RBM42: variants seen among roughly 807,000 people sequenced by gnomAD.
RBM42 encodes the protein RNA-binding protein 42.
Under a neutral mutation model 41.4 loss-of-function variants are expected in RBM42, and 21 were observed. That is an observed-to-expected ratio of 0.51 (90% CI 0.36 to 0.73). RBM42 has a LOEUF of 0.73. RBM42 is among the 30% of genes least tolerant of loss of function. The probability of loss-of-function intolerance (pLI) is 0.00; values close to 1 mark genes in which losing one functional copy is unlikely to be tolerated. For synonymous variants in RBM42, 272 were observed against 271.2 expected (o/e 1.00, Z -0.03); for missense variants, 539 against 680.4 (o/e 0.79, Z 2.31).
At position 35,637,598 on chromosome 19, in the gene RBM42, T is replaced by C. The variant is rs1002819234; in HGVS notation, c.*44T>C. The C allele has an allele frequency of 1.7e-5, 26 of 1,487,302 alleles. No individual in the cohort carries two copies. The Admixed American group carries it at 4.7e-4, about 27-fold the overall frequency. The allele number at this position is 1,487,302 out of a possible 1,614,324, so 92.1% of individuals were successfully genotyped here. A position where few individuals can be genotyped will look rare whatever the true frequency, so the allele number is the denominator to read the frequency against. ...CGCTCCCACCTGGCCGGGCGCTGGC[T>C]CCTCCCTCAGTTCTCTTTGGAAAAC... On this transcript the variant is annotated 3_prime_UTR_variant, in exon 10 of 10. Coordinates refer to ENST00000262633, the MANE Select transcript of RBM42 (RefSeq NM_024321.5). This position sits in a 1 kb window ranked among gnomAD's most constrained non-coding sequence, Gnocchi z 7.0.
intron 7 of RBM42, 110 bp downstream of exon 7, chr19:35,634,129 C>T (rs574931769): frequency 6.2e-5 from 94 of 1,523,190 alleles, no homozygotes; most frequent in Non-Finnish European, 7.5e-5. Context: ...GGGAGGGAGG[C>T]GGACACATGT....
intron 2 of RBM42, 104 bp downstream of exon 2, chr19:35,629,777 G>A (rs967267905): frequency 2.4e-6 from 3 of 1,226,752 alleles, no homozygotes; most frequent in Non-Finnish European, 3.4e-6. Context: ...TGACTAATTA[G>A]CATGACAAAT....
rs377413995 is a variant in RBM42 at position 35,633,171 on chromosome 19, T to A, written c.603T>A (p.Pro201=). ...TGGGCCCCCCTCTGCCTGGGCCCCC[T>A]GGACCACCCATGATGCTGCCACCAA... ...ALVGPPLPGP[P]GPPMMLPPMA... is the part of the protein sequence containing the mutation. The change falls in exon 6 of 10, where the codon CCT becomes CCA. Residue 201 remains proline (P), a synonymous_variant. Transcript: ENST00000262633. The A allele has an allele frequency of 1.2e-6, 2 of 1,610,580 alleles. No individual in the cohort carries two copies. The highest frequency in any genetic ancestry group is 2.7e-5 in the African/African-American group (2 of 74,854).
In RBM42 at chr19:35,632,969, C is replaced by G; in HGVS notation, c.476C>G (p.Pro159Arg). The G allele has an allele frequency of 6.2e-7, 1 of 1,609,010 alleles. No individual in the cohort carries two copies. Among genetic ancestry groups the G allele is most frequent in the Non-Finnish European group, 8.5e-7 (1 of 1,175,894 alleles). The change falls in exon 5 of 10, where the codon CCA (proline) becomes CGA (arginine). Residue 159 changes from proline (P) to arginine (R), a missense_variant. Pro to Arg is a moderately radical substitution (Grantham distance 103, BLOSUM62 -2). Coordinates refer to ENST00000262633, the MANE Select transcript of RBM42 (RefSeq NM_024321.5). ...VAPQRAPILR[P>R]AFVPHVLQRA... Reference sequence around the variant, plus strand: ...CCCCAGAGGGCCCCTATCCTGCGTCCAGCCTTCGTCCCCCACGTGCTACAG... The same window carrying G: ...CCCCAGAGGGCCCCTATCCTGCGTCGAGCCTTCGTCCCCCACGTGCTACAG...
chr19:35,632,964 G>T lies in RBM42; in HGVS notation c.471G>T (p.Leu157=). ...TGGCCCCCCAGAGGGCCCCTATCCT[G>T]CGTCCAGCCTTCGTCCCCCACGTGC... ...AAVAPQRAPI[L]RPAFVPHVLQ... Residue 157 remains leucine (L), a synonymous_variant, in exon 5 of 10, where the codon CTG becomes CTT. Transcript: ENST00000262633. 1 of 1,603,652 alleles carries T rather than the reference G, an allele frequency of 6.2e-7. No homozygotes were observed. Among genetic ancestry groups the T allele is most frequent in the African/African-American group, 1.3e-5 (1 of 74,350 alleles).
Position 35,629,098 on chromosome 19 carries a change from C to G in RBM42, c.-56C>G, listed in dbSNP as rs1471995788. ...CGAAGGGGGAGAGTAGACAGCAGAA[C>G]CAGCGGCGGCGGCTAAGCAGAGACT... On this transcript the variant is annotated 5_prime_UTR_variant, in exon 1 of 10. Transcript: ENST00000262633. The G allele has an allele frequency of 2.6e-5, 38 of 1,480,636 alleles. No individual in the cohort carries two copies. Among genetic ancestry groups the G allele is most frequent in the Non-Finnish European group, 3.4e-5 (38 of 1,119,714 alleles). The allele number at this position is 1,480,636 out of a possible 1,614,324, so 91.7% of individuals were successfully genotyped here.
At chr19:35,629,786 ATAT>A in intron 2 of RBM42, 113 bp downstream of exon 2, 1 of 1,092,304 alleles carries the variant, frequency 9.2e-7, no homozygotes. Context: ...AGCATGACAA[ATAT>A]TTTATATGCC....
chr19:35,633,593 G>T (rs1391751577), intron 6 of RBM42, 94 bp from the exon 7 acceptor site: 2 of 1,221,214 alleles, frequency 1.6e-6, no homozygotes, highest in Non-Finnish European at 1.1e-6. Flanking sequence ...CTGCTCTCTG[G>T]CCCCCAGGCC....
At chr19:35,631,001 G>A (rs759160673) in intron 2 of RBM42, 139 bp from the exon 3 acceptor site, 9 of 729,578 alleles carry the variant, frequency 1.2e-5, no homozygotes, top group Non-Finnish European at 1.9e-5. Flanking sequence ...TCCCCGAGAA[G>A]TGGCATTTTA....
In RBM42 at chr19:35,629,082, A is replaced by T; in HGVS notation, c.-72A>T. 6.9e-7 allele frequency: 1 copy of T among 1,454,734 alleles called. No individual in the cohort carries two copies. Among genetic ancestry groups the T allele is most frequent in the Non-Finnish European group, 9.0e-7 (1 of 1,105,984 alleles). 90.1% of individuals were successfully genotyped at this position (1,454,734 alleles called of 1,614,324 possible). On this transcript the variant is annotated 5_prime_UTR_variant, in exon 1 of 10. Coordinates refer to ENST00000262633, the MANE Select transcript of RBM42 (RefSeq NM_024321.5). ...CGGGAGCCCACCCGGACGAAGGGGGAGAGTAGACAGCAGAACCAGCGGCGG... is the reference window on the plus strand; with the variant it reads ...CGGGAGCCCACCCGGACGAAGGGGGTGAGTAGACAGCAGAACCAGCGGCGG...
rs772469440 is a variant in RBM42 at position 35,631,120 on chromosome 19, C to T, written c.283-20C>T. ...GGGAATGCTGAGTCAGGCCCCTCACCCTGACCTCTTCCTCGACAGGTCCAG... is the reference window on the plus strand; with the variant it reads ...GGGAATGCTGAGTCAGGCCCCTCACTCTGACCTCTTCCTCGACAGGTCCAG... On this transcript the variant is annotated intron_variant, in intron 2 of 9. Coordinates refer to ENST00000262633, the MANE Select transcript of RBM42 (RefSeq NM_024321.5). 6.2e-7 allele frequency: 1 copy of T among 1,611,994 alleles called. No individual in the cohort carries two copies. The highest frequency in any genetic ancestry group is 1.1e-5 in the South Asian group (1 of 90,984).
chr19:35,634,149 C>A, intron 7 of RBM42, 107 bp from the exon 8 acceptor site: 1 of 1,542,468 alleles, frequency 6.5e-7, no homozygotes, highest in Non-Finnish European at 8.8e-7. Flanking sequence ...TGCCCCACAT[C>A]CAGAAGCACA....
intron 8 of RBM42, among the ~76,000 whole-genome samples, chr19:35,636,733 G>A (rs527871010): frequency 6.6e-6 from 1 of 152,298 alleles, no homozygotes; most frequent in South Asian, 2.1e-4. Flanking sequence ...GGGTCCAGGG[G>A]ACCAAGGGAC....
In RBM42 at chr19:35,633,991, A is replaced by G; in HGVS notation, c.989A>G (p.Glu330Gly). 1 of 1,529,222 alleles carries G rather than the reference A, an allele frequency of 6.5e-7. No homozygotes were observed. The highest frequency in any genetic ancestry group is 8.7e-7 in the Non-Finnish European group (1 of 1,143,222). 94.7% of individuals were successfully genotyped at this position (1,529,222 alleles called of 1,614,324 possible). A position where few individuals can be genotyped will look rare whatever the true frequency, so the allele number is the denominator to read the frequency against. Reference protein sequence around the residue: ...LRPRPRPPRPEPPPGLMALEV... With the variant: ...LRPRPRPPRPGPPPGLMALEV... ...CCTCGGCCCCGGCCCCCTCGGCCAG[A>G]GCCACCCCCAGGCCTCATGGCTCTT... is the stretch of plus-strand genomic sequence containing the variant. The change falls in exon 7 of 10, where the codon GAG (glutamate) becomes GGG (glycine). Residue 330 changes from glutamate (E) to glycine (G), a missense_variant. Glu to Gly is a moderately conservative substitution (Grantham distance 98). Transcript: ENST00000262633.
intron 8 of RBM42, among the ~76,000 whole-genome samples, chr19:35,636,792 A>G (rs1967505503): frequency 6.6e-6 from 1 of 152,154 alleles, no homozygotes; most frequent in Non-Finnish European, 1.5e-5. Context: ...TAAGGGTGTT[A>G]CTACAGGAAT....
intron 4 of RBM42, chr19:35,631,837 A>G (rs1244873192): frequency 2.8e-5 from 5 of 180,212 alleles, no homozygotes; most frequent in Non-Finnish European, 5.9e-5. Flanking sequence ...ACAACCCTAC[A>G]TGACCTTGCT....
rs755768142 is a variant in RBM42, at chr19:35,637,588, G to A, written c.*34G>A. 21 of 1,539,776 alleles carry A rather than the reference G, an allele frequency of 1.4e-5. No individual in the cohort carries two copies. The South Asian group carries it at 1.6e-4, about 12-fold the overall frequency. ...GCCAGGCACCCGCTCCCACCTGGCC[G>A]GGCGCTGGCTCCTCCCTCAGTTCTC... On this transcript the variant is annotated 3_prime_UTR_variant, in exon 10 of 10. Coordinates refer to ENST00000262633, the MANE Select transcript of RBM42 (RefSeq NM_024321.5). This position sits in a 1 kb window ranked among gnomAD's most constrained non-coding sequence, Gnocchi z 7.0.
At chr19:35,633,298 G>C in intron 6 of RBM42, 46 bp downstream of exon 6, 1 of 1,450,246 alleles carries the variant, frequency 6.9e-7, no homozygotes, top group Non-Finnish European at 9.3e-7. Flanking sequence ...GGTGGACGGG[G>C]AGACCATCCA....
Position 35,629,179 on chromosome 19 carries a change from G to A in RBM42, c.26G>A (p.Gly9Glu). The part of the protein sequence containing the change: MAGAGPAP[G>E]LPGAGGPVVP... Reference sequence around the variant, plus strand: ...ATGGCTGGGGCGGGGCCAGCCCCGGGACTCCCGGGTGCAGGAGGACCCGTG... The same window carrying A: ...ATGGCTGGGGCGGGGCCAGCCCCGGAACTCCCGGGTGCAGGAGGACCCGTG... The change falls in exon 1 of 10, where the codon GGA becomes GAA. Residue 9 changes from glycine to glutamate, a missense_variant. Gly to Glu is a moderately conservative substitution (Grantham distance 98). This residue lies in a region of RBM42 where 429 missense variants were observed against 488.9 expected (regional missense o/e 0.88). Transcript: ENST00000262633. 1.3e-6 allele frequency: 2 copies of A among 1,527,230 alleles called. No homozygotes were observed. The highest frequency in any genetic ancestry group is 8.8e-7 in the Non-Finnish European group (1 of 1,141,282). The allele number at this position is 1,527,230 out of a possible 1,614,324, so 94.6% of individuals were successfully genotyped here.
Sources: allele counts gnomAD v4.1 joint callset (sites outside exome capture counted in the v4.1 genomes callset), GRCh38; gene constraint gnomAD v4.1.1; regional missense constraint gnomAD v4.1.1; non-coding constraint Gnocchi (gnomAD v3.1); transcripts MANE v1.5; gene names NCBI Gene and HGNC (gene_info 2026-07-23, HGNC 2026-07-21).